The following SCNN1A variants were observed in gnomAD, a reference collection of about 807,000 sequenced individuals.
SCNN1A encodes the protein sodium channel epithelial 1 subunit alpha.
SCNN1A carries 65 observed loss-of-function variants against 68.6 expected under a neutral mutation model. The observed-to-expected ratio is 0.95, with a 90% CI of 0.78 to 1.16. The LOEUF (loss-of-function observed/expected upper bound fraction) is 1.16, where lower values mean the gene tolerates loss of function less well. SCNN1A is among the 50% of genes most tolerant of loss of function. The pLI is 0.00. For missense variants in SCNN1A, 880 were observed against 865.9 expected, an observed-to-expected ratio of 1.02 and a Z score of -0.20; for synonymous variants, 357 against 353.3, an observed-to-expected ratio of 1.01 and a Z score of -0.12.
rs1948812888 is a variant in SCNN1A, at chr12:6,372,601, G to A, written c.416+1767C>T. The stretch of plus-strand genomic sequence containing the variant: ...CCTAAGAACTGTGCAGGCCTCACCC[G>A]ATTCACCCCTGCCCTCCCTTTCCAT... On this transcript the variant is annotated intron_variant, in intron 2 of 12. Transcript: ENST00000228916. The surrounding 1 kb of genome is among the most constrained non-coding windows in gnomAD (Gnocchi z 5.8). Among the ~76,000 whole-genome samples the A allele has an allele frequency of 6.6e-6, 1 of 152,100 alleles. No homozygotes were observed. The highest frequency in any genetic ancestry group is 1.5e-5 in the Non-Finnish European group (1 of 68,018).
At chr12:6,368,642 T>C (rs971063031) in intron 2 of SCNN1A, among the ~76,000 whole-genome samples, 5 of 152,224 alleles carry the variant, frequency 3.3e-5, no homozygotes, top group Non-Finnish European at 5.9e-5. Flanking sequence ...TGATGACTTA[T>C]TCCAGTTGGC....
At chr12:6,364,016 C>G (rs1479764107) in intron 2 of SCNN1A, 1 of 267,746 alleles carries the variant, frequency 3.7e-6, no homozygotes, top group Non-Finnish European at 7.0e-6. Context: ...TAGAAGGGAA[C>G]CCGGAACTTG....
intron 1 of SCNN1A, 177 bp downstream of exon 1, chr12:6,375,328 C>G: frequency 2.1e-6 from 3 of 1,441,242 alleles, no homozygotes; most frequent in East Asian, 5.0e-5. Flanking sequence ...ACTCTAGGCC[C>G]TCAGCTCCAG....
At chr12:6,373,814 C>G (rs1233130048) in intron 2 of SCNN1A, among the ~76,000 whole-genome samples, 1 of 152,216 alleles carries the variant, frequency 6.6e-6, no homozygotes, top group Non-Finnish European at 1.5e-5. Context: ...CCCCTGCCCC[C>G]AGCCTTTGGG....
chr12:6,357,775 G>A (rs1218432060), intron 4 of SCNN1A, among the ~76,000 whole-genome samples: 1 of 151,780 alleles, frequency 6.6e-6, no homozygotes, highest in African/African-American at 2.4e-5. Context: ...AGGCGGGTGG[G>A]GTCACCTGAG....
intron 2 of SCNN1A, among the ~76,000 whole-genome samples, chr12:6,365,091 C>G (rs1224215018): frequency 6.6e-6 from 1 of 150,932 alleles, no homozygotes; most frequent in Admixed American, 6.6e-5. Flanking sequence ...GACACAATCG[C>G]CGCTCACTGC....
At chr12:6,360,789 CT>C (rs903295889) in intron 4 of SCNN1A, among the ~76,000 whole-genome samples, 1 of 152,176 alleles carries the variant, frequency 6.6e-6, no homozygotes, top group Non-Finnish European at 1.5e-5. Flanking sequence ...GGACCCCCCC[CT>C]CGCCTCAGCC....
At chr12:6,377,269 T>A (rs1948928128), upstream of SCNN1A, 1 of 1,550,674 alleles carries the variant, frequency 6.4e-7, no homozygotes, top group East Asian at 2.4e-5. Flanking sequence ...CTGCTCATGA[T>A]ACCTCCCCTT....
At chr12:6,356,793 C>T (rs1426667634) in intron 4 of SCNN1A, among the ~76,000 whole-genome samples, 2 of 152,034 alleles carry the variant, frequency 1.3e-5, no homozygotes, top group Admixed American at 6.5e-5. Context: ...TTGGAGCTAG[C>T]GACGGGAGCC....
At chr12:6,348,362 C>T (rs952790047) in intron 12 of SCNN1A, 109 bp from the exon 13 acceptor site, 2 of 1,577,836 alleles carry the variant, frequency 1.3e-6, no homozygotes, top group South Asian at 1.1e-5. Context: ...CCCTGAAGAC[C>T]CCCGAGTCCT....
At chr12:6,370,227 C>A (rs1358362367) in intron 2 of SCNN1A, among the ~76,000 whole-genome samples, 1 of 152,214 alleles carries the variant, frequency 6.6e-6, no homozygotes, top group Non-Finnish European at 1.5e-5. Context: ...GCAAATTCCC[C>A]AGGGTCACTC....
intron 2 of SCNN1A, among the ~76,000 whole-genome samples, chr12:6,365,948 G>A (rs1592078731): frequency 6.6e-6 from 1 of 151,744 alleles, no homozygotes. Flanking sequence ...CTCCGCCTCC[G>A]GGTTCACGCC....
rs1948278292 is a variant in SCNN1A, at chr12:6,347,498, C to T, written c.*375G>A. ...CGCTGGGCAGGAAACCCGTGCATGC[C>T]TGCGTGTACCCTTGGTTGTGTTTTG... On this transcript the variant is annotated 3_prime_UTR_variant, in exon 13 of 13. Coordinates refer to ENST00000228916, the MANE Select transcript of SCNN1A (RefSeq NM_001038.6). 2 of 264,200 alleles carry T rather than the reference C, an allele frequency of 7.6e-6. No homozygotes were observed. Among genetic ancestry groups the T allele is most frequent in the South Asian group, 1.0e-4 (2 of 19,388 alleles). The allele number at this position is 264,200 out of a possible 1,614,324, so 16.4% of individuals were successfully genotyped here.
intron 2 of SCNN1A, among the ~76,000 whole-genome samples, chr12:6,364,722 A>T (rs1381226531): frequency 6.6e-6 from 1 of 151,870 alleles, no homozygotes; most frequent in Non-Finnish European, 1.5e-5. Flanking sequence ...AGATCGCGCC[A>T]CTACACTCCA....
intron 12 of SCNN1A, among the ~76,000 whole-genome samples, 179 bp from the exon 13 acceptor site, chr12:6,348,432 A>C (rs1248153056): frequency 6.6e-6 from 1 of 150,890 alleles, no homozygotes; most frequent in Non-Finnish European, 1.5e-5. Flanking sequence ...TGTCACCCAG[A>C]GAAAACTGAT....
Position 6,351,921 on chromosome 12 carries a change from A to G in SCNN1A, c.1361-2516T>C, listed in dbSNP as rs184541788. On this transcript the variant is annotated intron_variant, in intron 8 of 12. Coordinates refer to ENST00000228916, the MANE Select transcript of SCNN1A (RefSeq NM_001038.6). The surrounding 1 kb of genome is among the most constrained non-coding windows in gnomAD (Gnocchi z 4.2). Reference sequence around the variant, plus strand: ...TCTGCAGGTGTGCACCACCATGCCCAGCTAATTTTTGTAAAGACAGGGTTT... The same window carrying G: ...TCTGCAGGTGTGCACCACCATGCCCGGCTAATTTTTGTAAAGACAGGGTTT... Among the ~76,000 whole-genome samples, 23 of 152,004 alleles carry G rather than the reference A, an allele frequency of 1.5e-4. No homozygotes were observed. In the East Asian group the frequency reaches 4.1e-3, roughly 27 times the overall value.
At position 6,363,721 on chromosome 12, in the gene SCNN1A, G is replaced by T; in HGVS notation, c.417-11C>A. The T allele has an allele frequency of 6.3e-7, 1 of 1,591,542 alleles. No individual in the cohort carries two copies. Among genetic ancestry groups the T allele is most frequent in the Non-Finnish European group, 8.6e-7 (1 of 1,168,738 alleles). On this transcript the variant is annotated splice_polypyrimidine_tract_variant and intron_variant, in intron 2 of 12. Transcript: ENST00000228916. ...TTAATTTCCGGGTACCTGAAGGGGC[G>T]AGGGGAAGAGGGTCAGGCCAGGGGC... is the stretch of plus-strand genomic sequence containing the variant.
intron 7 of SCNN1A, 86 bp from the exon 8 acceptor site, chr12:6,354,641 A>AC: frequency 2.8e-6 from 4 of 1,409,800 alleles, no homozygotes; most frequent in Non-Finnish European, 4.0e-6. Context: ...TCTTTCCACC[A>AC]CCCCCCAGTT....
chr12:6,357,752 CT>C (rs888471587), intron 4 of SCNN1A, among the ~76,000 whole-genome samples: 1 of 151,950 alleles, frequency 6.6e-6, no homozygotes, highest in African/African-American at 2.4e-5. Flanking sequence ...AATCCCAGCA[CT>C]TTGGGAGGCC....
Sources: gnomAD v4.1 joint callset for allele counts (sites outside exome capture counted in the v4.1 genomes callset) on GRCh38, gnomAD v4.1.1 for gene constraint, Gnocchi (gnomAD v3.1) non-coding constraint, MANE v1.5 for transcripts, NCBI Gene and HGNC (gene_info 2026-07-23, HGNC 2026-07-21) for gene names.